Variants in ANK3 observed in about 807,000 individuals in gnomAD.
ANK3 encodes ankyrin 3, also known as ankyrin-3.
In ANK3, 57 loss-of-function variants were observed where a neutral mutation model predicts 370.9. The observed-to-expected ratio is 0.15, with a 90% CI of 0.12 to 0.19. The LOEUF (loss-of-function observed/expected upper bound fraction) is 0.19, where lower values mean the gene tolerates loss of function less well. Ranked by LOEUF, ANK3 falls within the 10% of genes least tolerant of loss-of-function variation. The pLI, the probability that ANK3 is intolerant of heterozygous loss-of-function variation, is 1.00. For synonymous variants in ANK3, 1,929 were observed against 1,946.3 expected, an observed-to-expected ratio of 0.99 and a Z score of 0.23; for missense variants, 4,439 against 5,302.1, an observed-to-expected ratio of 0.84 and a Z score of 5.06.
chr10:60,399,284 C>T (rs971260493), intron 2 of ANK3, among the ~76,000 whole-genome samples: 3 of 152,102 alleles, frequency 2.0e-5, no homozygotes, highest in African/African-American at 7.2e-5. Context: ...AAAGAACGAG[C>T]TCAGGTCTGT....
chr10:60,669,221 A>G (rs1483168253), intron 1 of ANK3, among the ~76,000 whole-genome samples: 1 of 152,176 alleles, frequency 6.6e-6, no homozygotes, highest in African/African-American at 2.4e-5. Context: ...GCCTCTTCAC[A>G]ATCACATTCG....
chr10:60,641,249 A>G (rs1180895304), intron 1 of ANK3, among the ~76,000 whole-genome samples: 2 of 149,214 alleles, frequency 1.3e-5, no homozygotes, highest in South Asian at 2.2e-4. Context: ...CAAGCTACCA[A>G]TGACTTTCTT....
At position 60,086,413 on chromosome 10, in the gene ANK3, T is replaced by C. The variant is rs1230331888; in HGVS notation, c.3748+264A>G. On this transcript the variant is annotated intron_variant, in intron 30 of 43. Transcript: ENST00000280772. ...CCAGTAGATTCAATGATACTTCTACTAATGCTAACCTTAATAGCAGGAAAG... is the reference window on the plus strand; with the variant it reads ...CCAGTAGATTCAATGATACTTCTACCAATGCTAACCTTAATAGCAGGAAAG... The C allele has an allele frequency of 1.2e-4, 40 of 323,520 alleles. No individual in the cohort carries two copies. The Admixed American group carries it at 1.6e-3, about 13-fold the overall frequency. 20.0% of individuals were successfully genotyped at this position (323,520 alleles called of 1,614,324 possible).
intron 1 of ANK3, among the ~76,000 whole-genome samples, chr10:60,353,694 A>T (rs2057298416): frequency 6.6e-6 from 1 of 152,210 alleles, no homozygotes; most frequent in Non-Finnish European, 1.5e-5. Context: ...TGTTCTGGGG[A>T]AAGGGGAAAC....
chr10:60,067,988 C>T lies in ANK3; in HGVS notation c.12266G>A (p.Arg4089Gln), dbSNP rs774847086. The change falls in exon 38 of 44, where the codon CGG (arginine) becomes CAG (glutamine). Residue 4089 changes from arginine to glutamine, a missense_variant. Physicochemically the swap from Arg to Gln is conservative, Grantham distance 43. Around this residue, in one of 13 missense-constraint regions of ANK3, gnomAD observed 99 missense variants for 150.7 expected, o/e 0.66. Transcript: ENST00000280772. The part of the protein sequence containing the change: ...RRTGPQSPCE[R>Q]TDIRMAIVAD... ...TACTATTGCCATCCTGATATCTGTC[C>T]GTTCACATGGACTCTGTGGACCTAC... 2.7e-5 allele frequency: 43 copies of T among 1,610,066 alleles called. No homozygotes were observed. The highest frequency in any genetic ancestry group is 3.4e-5 in the Non-Finnish European group (40 of 1,176,916).
chr10:60,435,536 T>G (rs1281248333), intron 2 of ANK3, among the ~76,000 whole-genome samples: 1 of 152,188 alleles, frequency 6.6e-6, no homozygotes, highest in Non-Finnish European at 1.5e-5. Flanking sequence ...ATAATTCAGA[T>G]ATAATATTCT....
intron 2 of ANK3, among the ~76,000 whole-genome samples, chr10:60,486,976 T>C (rs921140388): frequency 6.6e-6 from 1 of 152,206 alleles, no homozygotes. Context: ...ACGCTATTTA[T>C]GCACAATGCT....
rs117030098 is a variant in ANK3, at chr10:60,439,167, G to A, written c.97-159528C>T. ...AGATTATCTAGGAGCCTTTCAAGGTGAATTTTGATGAGCCTTGACTTCGAG... is the reference window on the plus strand; with the variant it reads ...AGATTATCTAGGAGCCTTTCAAGGTAAATTTTGATGAGCCTTGACTTCGAG... On this transcript the variant is annotated intron_variant, in intron 2 of 43. Transcript: ENST00000373827. Among the ~76,000 whole-genome samples, 7 of 152,258 alleles carry A rather than the reference G, an allele frequency of 4.6e-5. No individual in the cohort carries two copies. The East Asian group carries it at 1.3e-3, about 29-fold the overall frequency.
chr10:60,559,292 G>A (rs1319565990), intron 2 of ANK3, among the ~76,000 whole-genome samples: 2 of 152,058 alleles, frequency 1.3e-5, no homozygotes, highest in Non-Finnish European at 2.9e-5. Flanking sequence ...TGTCCCCAGA[G>A]TCCATTGTAT....
At chr10:60,032,994 A>G (rs779627992) in intron 43 of ANK3, among the ~76,000 whole-genome samples, 1 of 152,212 alleles carries the variant, frequency 6.6e-6, no homozygotes, top group Non-Finnish European at 1.5e-5. Context: ...TGAGGGCAGA[A>G]GCCATCAAGA....
At chr10:60,233,371 C>G (rs10733762) in intron 8 of ANK3, among the ~76,000 whole-genome samples, 75,993 of 152,040 alleles carry the variant, frequency 0.5, 20,495 homozygotes, top group East Asian at 0.79. Flanking sequence ...ATGCATCACT[C>G]CAAAGAAGCA....
upstream of ANK3, among the ~76,000 whole-genome samples, chr10:60,391,434 GT>G (rs1159810418): frequency 6.6e-6 from 1 of 152,196 alleles, no homozygotes; most frequent in Non-Finnish European, 1.5e-5. Flanking sequence ...AAAAATGAGT[GT>G]TTTTCTACTA....
At chr10:60,457,590 T>A (rs1051350338) in intron 2 of ANK3, among the ~76,000 whole-genome samples, 10 of 152,126 alleles carry the variant, frequency 6.6e-5, no homozygotes, top group African/African-American at 2.4e-4. Context: ...GGTCGCCCTT[T>A]AAGTCATAGG....
At chr10:60,319,520 C>T (rs1318190070) in intron 1 of ANK3, among the ~76,000 whole-genome samples, 1 of 152,170 alleles carries the variant, frequency 6.6e-6, no homozygotes, top group African/African-American at 2.4e-5. Context: ...ATCGTCTATT[C>T]TGTACCCAAT....
At chr10:60,377,396 TAC>T (rs1489609733) in intron 1 of ANK3, among the ~76,000 whole-genome samples, 1 of 152,240 alleles carries the variant, frequency 6.6e-6, no homozygotes, top group Non-Finnish European at 1.5e-5. Flanking sequence ...CTATTGTAAA[TAC>T]ACAGTGCCAA....
At chr10:60,257,836 G>T (rs1397630054) in intron 7 of ANK3, among the ~76,000 whole-genome samples, 1 of 152,158 alleles carries the variant, frequency 6.6e-6, no homozygotes, top group Non-Finnish European at 1.5e-5. Context: ...TCCTTTCAGA[G>T]ATCAAAACAG....
intron 2 of ANK3, among the ~76,000 whole-genome samples, chr10:60,561,655 A>G (rs1323677559): frequency 6.6e-6 from 1 of 152,234 alleles, no homozygotes; most frequent in Middle Eastern, 3.2e-3. Flanking sequence ...GAGTGTGTGA[A>G]GAAATCTTTA....
intron 2 of ANK3, among the ~76,000 whole-genome samples, chr10:60,414,906 T>C (rs1378472426): frequency 6.6e-6 from 1 of 152,176 alleles, no homozygotes; most frequent in Non-Finnish European, 1.5e-5. Flanking sequence ...GAGGAATCAT[T>C]TGGAGATATT....
At chr10:60,050,496 ATTGGTTAAGTTTGAT>A (rs2077732459) in intron 42 of ANK3, among the ~76,000 whole-genome samples, 1 of 152,098 alleles carries the variant, frequency 6.6e-6, no homozygotes, top group Non-Finnish European at 1.5e-5. Context: ...ACACTTTGGG[ATTGGTTAAGTTTGAT>A]AAATGGTTTT....
Sources: allele counts gnomAD v4.1 joint callset (sites outside exome capture counted in the v4.1 genomes callset), GRCh38; gene constraint gnomAD v4.1.1; regional missense constraint gnomAD v4.1.1; transcripts MANE v1.5; gene names NCBI Gene and HGNC (gene_info 2026-07-23, HGNC 2026-07-21).